Variants in MDGA2 observed in about 807,000 individuals in gnomAD.
The protein encoded by MDGA2 is MAM domain-containing glycosylphosphatidylinositol anchor protein 2.
MDGA2 carries 40 observed loss-of-function variants against 117.8 expected under a neutral mutation model. The ratio of observed to expected loss-of-function variants is 0.34; its 90% CI spans 0.26 to 0.44. The LOEUF (loss-of-function observed/expected upper bound fraction) is 0.44, where lower values mean the gene tolerates loss of function less well. Ranked by LOEUF, MDGA2 falls within the 20% of genes least tolerant of loss-of-function variation. The probability of loss-of-function intolerance (pLI) is 1.00; values close to 1 mark genes in which losing one functional copy is unlikely to be tolerated. For missense variants in MDGA2, 1,123 were observed against 1,250.6 expected (o/e 0.90, Z 1.54); for synonymous variants, 452 against 439.0 (o/e 1.03, Z -0.37).
In MDGA2 at chr14:46,990,866, CCACA is replaced by C. The variant is rs201132208; in HGVS notation, c.1820-33227_1820-33224del. Among the ~76,000 whole-genome samples, 522 of 140,820 alleles carry C rather than the reference CCACA, an allele frequency of 3.7e-3. 5 individuals are homozygous for C. The highest frequency in any genetic ancestry group is 8.7e-3 in the African/African-American group (324 of 37,242). 92.4% of individuals were successfully genotyped at this position (140,820 alleles called of 152,430 possible). A position where few individuals can be genotyped will look rare whatever the true frequency, so the allele number is the denominator to read the frequency against. ...TATATGGATTAGAACACACACACAC[CCACA>C]CACACACACACACACACACACACAC... On this transcript the variant is annotated intron_variant, in intron 8 of 16. Transcript: ENST00000399232.
At chr14:47,595,999 C>G (rs1896535668) in intron 1 of MDGA2, among the ~76,000 whole-genome samples, 1 of 152,088 alleles carries the variant, frequency 6.6e-6, no homozygotes, top group Non-Finnish European at 1.5e-5. Flanking sequence ...ACACAGAAAA[C>G]TAATCTATAA....
intron 10 of MDGA2, among the ~76,000 whole-genome samples, chr14:46,909,068 C>G (rs1382615145): frequency 6.6e-6 from 1 of 152,112 alleles, no homozygotes; most frequent in Non-Finnish European, 1.5e-5. Flanking sequence ...AATTTTTTGT[C>G]TGCTTCCTAC....
intron 2 of MDGA2, among the ~76,000 whole-genome samples, chr14:47,234,189 T>C (rs1247251803): frequency 1.3e-5 from 2 of 151,212 alleles, no homozygotes; most frequent in African/African-American, 2.4e-5. Context: ...TGTGTGCATA[T>C]ATGCTATAAA....
At chr14:47,456,998 T>C (rs978701986) in intron 1 of MDGA2, among the ~76,000 whole-genome samples, 2 of 152,170 alleles carry the variant, frequency 1.3e-5, no homozygotes, top group Admixed American at 1.3e-4. Context: ...GAACCAAAGC[T>C]GACATACTAC....
At chr14:47,102,689 T>A (rs1880409406) in intron 5 of MDGA2, among the ~76,000 whole-genome samples, 1 of 152,170 alleles carries the variant, frequency 6.6e-6, no homozygotes, top group Admixed American at 6.5e-5. Flanking sequence ...AAGCTCTCTA[T>A]CTAAAGAACA....
At position 47,234,978 on chromosome 14, in the gene MDGA2, T is replaced by C. The variant is rs1468745680; in HGVS notation, c.421-16783A>G. 3.3e-5 allele frequency among the ~76,000 whole-genome samples: 5 copies of C among 152,308 alleles called. No homozygotes were observed. In the East Asian group the frequency reaches 9.6e-4, roughly 29 times the overall value. On this transcript the variant is annotated intron_variant, in intron 2 of 16. Coordinates refer to ENST00000399232, the MANE Select transcript of MDGA2 (RefSeq NM_001113498.3). Reference sequence around the variant, plus strand: ...ACAATTTGAACACGTAATTATGATATCTAATTATATAATTAGAGTATGTTG... The same window carrying C: ...ACAATTTGAACACGTAATTATGATACCTAATTATATAATTAGAGTATGTTG...
chr14:47,575,463 T>C (rs1211333041), intron 1 of MDGA2, among the ~76,000 whole-genome samples: 1 of 152,194 alleles, frequency 6.6e-6, no homozygotes, highest in African/African-American at 2.4e-5. Flanking sequence ...TCTTTAAAAC[T>C]GTGTAGACTC....
chr14:47,536,982 A>T (rs1895225391), intron 1 of MDGA2, among the ~76,000 whole-genome samples: 1 of 152,184 alleles, frequency 6.6e-6, no homozygotes. Flanking sequence ...GTTCAAAAGT[A>T]AAATATGACA....
chr14:47,534,973 C>T (rs900043798), intron 1 of MDGA2, among the ~76,000 whole-genome samples: 1 of 152,142 alleles, frequency 6.6e-6, no homozygotes, highest in Non-Finnish European at 1.5e-5. Context: ...GAATGCCACT[C>T]AGCTAAATCC....
chr14:47,433,136 G>T (rs1338922298), intron 1 of MDGA2, among the ~76,000 whole-genome samples: 1 of 152,058 alleles, frequency 6.6e-6, no homozygotes, highest in Non-Finnish European at 1.5e-5. Context: ...TTAGAAAAAA[G>T]TGTTTGAGGG....
Position 47,147,541 on chromosome 14 carries a change from T to C in MDGA2, c.596-3267A>G, listed in dbSNP as rs1014093328. On this transcript the variant is annotated intron_variant, in intron 3 of 16. Coordinates refer to ENST00000399232, the MANE Select transcript of MDGA2 (RefSeq NM_001113498.3). ...TATCAACAGGTCATTCAATTTGTGC[T>C]ACTCCTCGCTAGGAGACATAACCTT... 4.6e-4 allele frequency among the ~76,000 whole-genome samples: 70 copies of C among 152,174 alleles called. 2 individuals carry two copies. The highest frequency in any genetic ancestry group is 1.5e-5 in the Non-Finnish European group (1 of 68,036).
intron 2 of MDGA2, among the ~76,000 whole-genome samples, chr14:47,249,438 C>T (rs1381390540): frequency 6.6e-6 from 1 of 152,156 alleles, no homozygotes; most frequent in African/African-American, 2.4e-5. Flanking sequence ...CCTCCCACCT[C>T]GGCCTCCTGA....
chr14:47,131,945 T>A, intron 4 of MDGA2, 99 bp from the exon 5 acceptor site: 2 of 970,702 alleles, frequency 2.1e-6, no homozygotes, highest in Non-Finnish European at 2.9e-6. Flanking sequence ...AATCATATTA[T>A]TATCAGAATA....
chr14:47,247,950 C>T (rs889623661), intron 2 of MDGA2, among the ~76,000 whole-genome samples: 3 of 151,436 alleles, frequency 2.0e-5, no homozygotes, highest in Non-Finnish European at 3.0e-5. Context: ...CAGCTTCATT[C>T]ATGTCCCTGC....
chr14:47,330,348 T>G (rs1890258552), intron 1 of MDGA2, among the ~76,000 whole-genome samples: 2 of 152,048 alleles, frequency 1.3e-5, no homozygotes, highest in Middle Eastern at 3.4e-3. Flanking sequence ...TCAAATGCCA[T>G]AGTTTGTGCT....
chr14:47,390,207 G>A (rs1891862728), intron 1 of MDGA2, among the ~76,000 whole-genome samples: 1 of 152,176 alleles, frequency 6.6e-6, no homozygotes, highest in African/African-American at 2.4e-5. Flanking sequence ...TTTTCTTAAA[G>A]CATTTATTTA....
intron 2 of MDGA2, among the ~76,000 whole-genome samples, chr14:47,281,015 TATA>T (rs1398393446): frequency 1.4e-5 from 2 of 147,690 alleles, no homozygotes; most frequent in Non-Finnish European, 3.0e-5. Flanking sequence ...GTATATAATA[TATA>T]ATAAAATATA....
rs145341539 is a variant in MDGA2, at chr14:47,222,560, A to G, written c.421-4365T>C. The stretch of plus-strand genomic sequence containing the variant: ...TGATAGTGCAACTTTTTAAGTTAAG[A>G]GGAAATACAGGACAAACTAAAAAAA... On this transcript the variant is annotated intron_variant, in intron 2 of 16. Transcript: ENST00000399232. 6.0e-3 allele frequency among the ~76,000 whole-genome samples: 907 copies of G among 152,232 alleles called. 3 individuals are homozygous for G. The highest frequency in any genetic ancestry group is 0.024 in the Middle Eastern group (7 of 294).
intron 1 of MDGA2, among the ~76,000 whole-genome samples, chr14:47,516,332 G>T (rs940311930): frequency 6.6e-6 from 1 of 152,112 alleles, no homozygotes; most frequent in African/African-American, 2.4e-5. Context: ...GACATTTATT[G>T]TCACCTTCTC....
Sources: gnomAD v4.1 joint callset for allele counts (sites outside exome capture counted in the v4.1 genomes callset) on GRCh38, gnomAD v4.1.1 for gene constraint, MANE v1.5 for transcripts, NCBI Gene and HGNC (gene_info 2026-07-23, HGNC 2026-07-21) for gene names.